Variants in NRG2 observed in about 807,000 individuals in gnomAD.
The protein encoded by NRG2 is neuregulin 2.
In NRG2, 27 loss-of-function variants were observed where a neutral mutation model predicts 73.9. The observed-to-expected ratio is 0.37, with a 90% CI of 0.27 to 0.50. The LOEUF is 0.50. Among genes scored for constraint, NRG2 ranks in the 20% least tolerant of loss-of-function variants. The probability of loss-of-function intolerance (pLI) is 0.96; values close to 1 mark genes in which losing one functional copy is unlikely to be tolerated. For synonymous variants in NRG2, 532 were observed against 541.0 expected (o/e 0.98, Z 0.23); for missense variants, 1,126 against 1,210.1 (o/e 0.93, Z 1.03).
chr5:139,933,595 G>A (rs1561689528), intron 1 of NRG2, among the ~76,000 whole-genome samples: 1 of 151,868 alleles, frequency 6.6e-6, no homozygotes, highest in Non-Finnish European at 1.5e-5. Flanking sequence ...ATTATATGAA[G>A]CAAAAAGTGA....
chr5:139,972,954 T>C (rs1756082569), intron 1 of NRG2, among the ~76,000 whole-genome samples: 1 of 152,072 alleles, frequency 6.6e-6, no homozygotes, highest in Admixed American at 6.5e-5. Flanking sequence ...TAAAATGAAA[T>C]AACGTTTTGC....
intron 1 of NRG2, among the ~76,000 whole-genome samples, chr5:140,018,994 C>G (rs1375681473): frequency 1.3e-5 from 2 of 152,162 alleles, no homozygotes; most frequent in Non-Finnish European, 2.9e-5. Flanking sequence ...TCCAAAGTTC[C>G]CAAAGCACAG....
rs191770804 is a variant in NRG2 at position 140,003,835 on chromosome 5, C to T, written c.700+38535G>A. 3.7e-4 allele frequency among the ~76,000 whole-genome samples: 57 copies of T among 152,294 alleles called. No homozygotes were observed. In the East Asian group the frequency reaches 0.01, roughly 27 times the overall value. ...TTCAAGTCAAAAATCTTGAAACCAT[C>T]CTGGATTCCTCCTTTCTTCTCTTAC... On this transcript the variant is annotated intron_variant, in intron 1 of 9. Transcript: ENST00000361474.
intron 1 of NRG2, among the ~76,000 whole-genome samples, chr5:140,015,464 T>C (rs2126653800): frequency 6.6e-6 from 1 of 152,280 alleles, no homozygotes; most frequent in South Asian, 2.1e-4. Context: ...TGGGCAGGGA[T>C]GTGACATATT....
intron 6 of NRG2, among the ~76,000 whole-genome samples, chr5:139,854,817 G>T (rs951253472): frequency 6.6e-6 from 1 of 152,058 alleles, no homozygotes; most frequent in African/African-American, 2.4e-5. Context: ...GAGCTAGGGA[G>T]CCTGGGTTTA....
intron 3 of NRG2, among the ~76,000 whole-genome samples, chr5:139,873,416 G>A (rs1225628647): frequency 1.3e-5 from 2 of 152,248 alleles, no homozygotes; most frequent in African/African-American, 4.8e-5. Flanking sequence ...CCTGCCACTT[G>A]TAAAATCCCC....
At chr5:140,028,772 G>C (rs1760900077) in intron 1 of NRG2, among the ~76,000 whole-genome samples, 1 of 152,094 alleles carries the variant, frequency 6.6e-6, no homozygotes, top group Non-Finnish European at 1.5e-5. Context: ...TCCTCCCCTT[G>C]AATCTGGTCA....
intron 1 of NRG2, among the ~76,000 whole-genome samples, chr5:139,929,191 C>A (rs1752280489): frequency 6.6e-6 from 1 of 152,204 alleles, no homozygotes; most frequent in Non-Finnish European, 1.5e-5. Flanking sequence ...ATTGTTCTGC[C>A]TCACACAGTC....
intron 3 of NRG2, among the ~76,000 whole-genome samples, chr5:139,878,983 A>AT (rs1157106846): frequency 1.2e-4 from 18 of 152,362 alleles, no homozygotes; most frequent in African/African-American, 3.6e-4. Context: ...CAGACTAGAC[A>AT]TAGCCCCACA....
chr5:139,848,769 G>GGGGGGGGGGGGGGGGGGGT, intron 9 of NRG2, 72 bp from the exon 10 acceptor site: 1 of 235,720 alleles, frequency 4.2e-6, no homozygotes, highest in Non-Finnish European at 8.0e-6. Flanking sequence ...TTGGGGGTGG[G>GGGGGGGGGGGGGGGGGGGT]GTAGGGTGGG....
rs1398811121 is a variant in NRG2 at position 139,852,353 on chromosome 5, G to A, written c.1544+79C>T. 6.5e-7 allele frequency: 1 copy of A among 1,546,710 alleles called. No homozygotes were observed. The highest frequency in any genetic ancestry group is 1.2e-5 in the South Asian group (1 of 80,310). On this transcript the variant is annotated intron_variant, in intron 8 of 9. Transcript: ENST00000361474. The surrounding 1 kb of genome is among the most constrained non-coding windows in gnomAD (Gnocchi z 4.4). The stretch of plus-strand genomic sequence containing the variant: ...CAGGGGAGGGTATTGAATAGCTCTG[G>A]ATGTCGGAGTAAGTGGGCACTTTGC...
At chr5:140,031,743 G>T (rs979751994) in intron 1 of NRG2, among the ~76,000 whole-genome samples, 7 of 152,146 alleles carry the variant, frequency 4.6e-5, no homozygotes, top group Non-Finnish European at 1.0e-4. Flanking sequence ...AGCAAGTGCG[G>T]CAAGGTGCTG....
intron 9 of NRG2, among the ~76,000 whole-genome samples, chr5:139,850,560 A>C (rs1443463405): frequency 6.6e-6 from 1 of 152,194 alleles, no homozygotes; most frequent in African/African-American, 2.4e-5. Flanking sequence ...GGCTGAGTTG[A>C]GAGCAAGGGA....
At chr5:139,951,804 C>T (rs186573845) in intron 1 of NRG2, among the ~76,000 whole-genome samples, 26 of 152,342 alleles carry the variant, frequency 1.7e-4, no homozygotes, top group Admixed American at 1.2e-3. Context: ...ATGGCACGCC[C>T]TCCCCCTGGC....
chr5:139,847,949 G>A lies in NRG2; in HGVS notation c.2521C>T (p.Pro841Ser), dbSNP rs1328693474. Residue 841 changes from proline (P) to serine (S), a missense_variant, in exon 10 of 10, where the codon CCG becomes TCG. Coordinates refer to ENST00000361474, the MANE Select transcript of NRG2 (RefSeq NM_004883.3). Reference protein sequence around the residue: ...ASSRHSRGPPPRAKQDSAPL With the variant: ...ASSRHSRGPPSRAKQDSAPL ...GGCGCCGAGTCCTGCTTGGCCCGCGGGGGCGGCCCGCGGCTGTGTCTGCTG... is the reference window on the plus strand; with the variant it reads ...GGCGCCGAGTCCTGCTTGGCCCGCGAGGGCGGCCCGCGGCTGTGTCTGCTG... The A allele has an allele frequency of 2.7e-6, 4 of 1,505,648 alleles. No individual in the cohort carries two copies. The highest frequency in any genetic ancestry group is 2.6e-6 in the Non-Finnish European group (3 of 1,132,392). The allele number at this position is 1,505,648 out of a possible 1,614,324, so 93.3% of individuals were successfully genotyped here.
At chr5:139,991,284 A>C (rs997446319) in intron 1 of NRG2, among the ~76,000 whole-genome samples, 29 of 152,102 alleles carry the variant, frequency 1.9e-4, no homozygotes, top group Admixed American at 1.2e-3. Context: ...TCAAAAAAAA[A>C]CAAAATTCTC....
intron 1 of NRG2, among the ~76,000 whole-genome samples, chr5:139,964,357 T>TACACACACACACAC (rs71574473): frequency 7.0e-6 from 1 of 142,740 alleles, no homozygotes; most frequent in Non-Finnish European, 1.5e-5. Context: ...GAAATACAGA[T>TACACACACACACAC]ACACACACAC....
Position 139,887,280 on chromosome 5 carries a change from T to C in NRG2, c.872+60A>G. On this transcript the variant is annotated intron_variant, in intron 2 of 9. Coordinates refer to ENST00000361474, the MANE Select transcript of NRG2 (RefSeq NM_004883.3). The surrounding 1 kb of genome is among the most constrained non-coding windows in gnomAD (Gnocchi z 4.5). ...CTGGCCTCTGCCCAGTTCAGGCCAC[T>C]CCTTCTCGAGAGGAGGGAGGGCAGC... 1 of 1,584,968 alleles carries C rather than the reference T, an allele frequency of 6.3e-7. No individual in the cohort carries two copies. The highest frequency in any genetic ancestry group is 1.7e-5 in the Admixed American group (1 of 59,372).
chr5:139,872,510 A>G (rs543348901), intron 3 of NRG2, among the ~76,000 whole-genome samples: 3 of 152,008 alleles, frequency 2.0e-5, no homozygotes, highest in African/African-American at 7.2e-5. Flanking sequence ...TCTTCTCCAT[A>G]TCTCCCCACC....
Sources: allele counts gnomAD v4.1 joint callset (sites outside exome capture counted in the v4.1 genomes callset), GRCh38; gene constraint gnomAD v4.1.1; non-coding constraint Gnocchi (gnomAD v3.1); transcripts MANE v1.5; gene names NCBI Gene and HGNC (gene_info 2026-07-23, HGNC 2026-07-21).